GALNT13: variants seen among roughly 807,000 people sequenced by gnomAD.
The protein encoded by GALNT13 is UDP-GalNAc:polypeptide N-acetylgalactosaminyltransferase 13.
A neutral mutation model predicts 64.2 loss-of-function variants in GALNT13; 28 were observed. That is an observed-to-expected ratio of 0.44 (90% confidence interval 0.32 to 0.60). GALNT13 has a LOEUF of 0.60. Ranked by LOEUF, GALNT13 falls within the 20% of genes least tolerant of loss-of-function variation. GALNT13 has a pLI of 0.05. For synonymous variants in GALNT13, 214 were observed against 224.6 expected (o/e 0.95, Z 0.42); for missense variants, 577 against 669.8 (o/e 0.86, Z 1.53).
chr2:154,370,080 G>A (rs565126258), intron 9 of GALNT13, among the ~76,000 whole-genome samples: 1 of 152,140 alleles, frequency 6.6e-6, no homozygotes, highest in Admixed American at 6.6e-5. Context: ...ATTTTCCTCT[G>A]AAAGACTCTA....
At chr2:153,248,513 C>CG in the GALNT13 span, among the ~76,000 whole-genome samples, 13 of 6,760 alleles carry the variant, frequency 1.9e-3, no homozygotes, top group African/African-American at 0.012. Flanking sequence ...AATTCAACAT[C>CG]CTTTATGTTA....
the GALNT13 span, among the ~76,000 whole-genome samples, chr2:153,674,146 A>C: frequency 6.6e-6 from 1 of 152,212 alleles, no homozygotes; most frequent in Admixed American, 6.5e-5. Context: ...TTATAGATTC[A>C]ATGCTATCCC....
At chr2:153,478,198 C>T in the GALNT13 span, 1 of 1,538,634 alleles carries the variant, frequency 6.5e-7, no homozygotes, top group Non-Finnish European at 8.9e-7. Context: ...GCAAAGTGGG[C>T]AGGCGTGGGA....
At chr2:153,563,860 T>C in the GALNT13 span, among the ~76,000 whole-genome samples, 162 of 152,276 alleles carry the variant, frequency 1.1e-3, no homozygotes, top group African/African-American at 3.8e-3. Flanking sequence ...CTCGAATATT[T>C]TCCCTAGTAG....
the GALNT13 span, among the ~76,000 whole-genome samples, chr2:153,814,207 G>A: frequency 6.6e-6 from 1 of 152,186 alleles, no homozygotes; most frequent in African/African-American, 2.4e-5. Flanking sequence ...TTAGGAAGCC[G>A]AGGTGGGCGG....
the GALNT13 span, among the ~76,000 whole-genome samples, chr2:153,231,035 C>T: frequency 9.9e-5 from 15 of 152,116 alleles, no homozygotes; most frequent in Non-Finnish European, 1.8e-4. Flanking sequence ...CTGGAGATAT[C>T]GATTAATGCT....
intron 3 of GALNT13, among the ~76,000 whole-genome samples, chr2:154,115,717 G>C (rs979628429): frequency 1.3e-5 from 2 of 151,992 alleles, no homozygotes; most frequent in Non-Finnish European, 2.9e-5. Context: ...CACCATGCCC[G>C]GCCTATTAGA....
In GALNT13 at chr2:153,990,082, G is replaced by A. The variant is rs527559999; in HGVS notation, c.142+45443G>A. On this transcript the variant is annotated intron_variant, in intron 3 of 12. Transcript: ENST00000392825. ...TATTGGAGGCAGCTTATGAAAAATAGTTCTATATAGTATTAGTATTCTTTC... is the reference window on the plus strand; with the variant it reads ...TATTGGAGGCAGCTTATGAAAAATAATTCTATATAGTATTAGTATTCTTTC... Among the ~76,000 whole-genome samples the A allele has an allele frequency of 4.7e-4, 72 of 152,160 alleles. 1 individual carries two copies. The highest frequency in any genetic ancestry group is 9.1e-4 in the Non-Finnish European group (62 of 67,946).
intron 10 of GALNT13, among the ~76,000 whole-genome samples, chr2:154,396,399 C>T (rs1051872812): frequency 6.6e-6 from 1 of 151,958 alleles, no homozygotes; most frequent in African/African-American, 2.4e-5. Context: ...TTACTGTGTA[C>T]CCCAAACACC....
chr2:154,128,739 T>A (rs991052576), intron 3 of GALNT13, among the ~76,000 whole-genome samples: 10 of 152,060 alleles, frequency 6.6e-5, no homozygotes, highest in Non-Finnish European at 1.5e-4. Flanking sequence ...ATTTCCTTCA[T>A]GAAAAAAATT....
At chr2:153,718,385 T>G in the GALNT13 span, among the ~76,000 whole-genome samples, 1 of 151,726 alleles carries the variant, frequency 6.6e-6, no homozygotes, top group Non-Finnish European at 1.5e-5. Flanking sequence ...CTGTTCCTGC[T>G]CAAAGGTATT....
the GALNT13 span, among the ~76,000 whole-genome samples, chr2:153,095,365 C>T: frequency 1.4e-4 from 22 of 152,112 alleles, no homozygotes; most frequent in Middle Eastern, 3.4e-3. Flanking sequence ...GTTAGAATGG[C>T]GATCATTAAA....
intron 3 of GALNT13, among the ~76,000 whole-genome samples, chr2:154,055,122 C>T (rs1699832580): frequency 6.6e-6 from 1 of 151,878 alleles, no homozygotes; most frequent in Admixed American, 6.6e-5. Flanking sequence ...TATTATTTCC[C>T]TCATAAGTAG....
upstream of GALNT13, among the ~76,000 whole-genome samples, chr2:153,870,491 C>A (rs576142373): frequency 6.6e-6 from 1 of 151,892 alleles, no homozygotes; most frequent in Admixed American, 6.6e-5. Flanking sequence ...CTGGAATTCA[C>A]TAGAGAGAGC....
chr2:153,515,209 A>C, the GALNT13 span, among the ~76,000 whole-genome samples: 3 of 152,126 alleles, frequency 2.0e-5, no homozygotes, highest in Non-Finnish European at 2.9e-5. Flanking sequence ...TACATCCTAA[A>C]GTGTAAATCA....
chr2:153,111,069 A>C, the GALNT13 span, among the ~76,000 whole-genome samples: 1 of 152,214 alleles, frequency 6.6e-6, no homozygotes, highest in South Asian at 2.1e-4. Context: ...ATTAATGTGA[A>C]TCTGCTTCGT....
At chr2:153,796,902 A>G in the GALNT13 span, among the ~76,000 whole-genome samples, 2 of 152,224 alleles carry the variant, frequency 1.3e-5, no homozygotes, top group Non-Finnish European at 2.9e-5. Flanking sequence ...ATAAATGTAA[A>G]TCATTAATGG....
chr2:153,867,769 A>G (rs1290169136), upstream of GALNT13, among the ~76,000 whole-genome samples: 1 of 151,916 alleles, frequency 6.6e-6, no homozygotes, highest in Non-Finnish European at 1.5e-5. Context: ...GATTCTCATA[A>G]GGAGCACAAC....
chr2:153,720,331 C>G, the GALNT13 span, among the ~76,000 whole-genome samples: 1 of 147,916 alleles, frequency 6.8e-6, no homozygotes, highest in Non-Finnish European at 1.5e-5. Context: ...CATCAAAGAC[C>G]AAAAGTAGAT....
Sources: allele counts gnomAD v4.1 joint callset (sites outside exome capture counted in the v4.1 genomes callset), GRCh38; gene constraint gnomAD v4.1.1; transcripts MANE v1.5; gene names NCBI Gene and HGNC (gene_info 2026-07-23, HGNC 2026-07-21).